The following FERMT2 variants were observed in gnomAD, a reference collection of about 807,000 sequenced individuals.
FERMT2 encodes the protein FERM domain containing kindlin 2, also known as fermitin family homolog 2.
A neutral mutation model predicts 82.7 loss-of-function variants in FERMT2; 15 were observed. The ratio of observed to expected loss-of-function variants is 0.18; its 90% confidence interval spans 0.12 to 0.28. The LOEUF (loss-of-function observed/expected upper bound fraction) is 0.28. Ranked by LOEUF, FERMT2 falls within the 10% of genes least tolerant of loss-of-function variation. The pLI is 1.00. For missense variants in FERMT2, 645 were observed against 809.4 expected, an observed-to-expected ratio of 0.80 and a Z score of 2.46; for synonymous variants, 274 against 271.5, an observed-to-expected ratio of 1.01 and a Z score of -0.09.
chr14:52,901,726 A>C (rs1887663724), intron 3 of FERMT2, among the ~76,000 whole-genome samples: 1 of 152,182 alleles, frequency 6.6e-6, no homozygotes, highest in Non-Finnish European at 1.5e-5. Context: ...TACAATCACA[A>C]AGAACCAAAT....
intron 1 of FERMT2, 77 bp from the exon 2 acceptor site, chr14:52,950,654 C>T: frequency 1.4e-6 from 2 of 1,465,406 alleles, no homozygotes; most frequent in South Asian, 1.2e-5. Flanking sequence ...TTCGCAGCGC[C>T]GGCCACGGGC....
At chr14:52,942,486 T>C (rs919510924) in intron 2 of FERMT2, among the ~76,000 whole-genome samples, 1 of 151,990 alleles carries the variant, frequency 6.6e-6, no homozygotes, top group African/African-American at 2.4e-5. Flanking sequence ...GTATTTTCAG[T>C]AGAGACGGGG....
At chr14:52,905,991 G>T (rs1887986076) in intron 3 of FERMT2, among the ~76,000 whole-genome samples, 1 of 152,092 alleles carries the variant, frequency 6.6e-6, no homozygotes, top group African/African-American at 2.4e-5. Flanking sequence ...TAAACAATAA[G>T]AAATAAAGGA....
chr14:52,894,339 G>A (rs1466572073), intron 3 of FERMT2, among the ~76,000 whole-genome samples: 1 of 152,126 alleles, frequency 6.6e-6, no homozygotes, highest in Non-Finnish European at 1.5e-5. Context: ...TTGTTAAGAA[G>A]TCAATTCTCC....
At chr14:52,909,057 G>A (rs950331988) in intron 3 of FERMT2, among the ~76,000 whole-genome samples, 3 of 152,120 alleles carry the variant, frequency 2.0e-5, no homozygotes, top group African/African-American at 7.2e-5. Context: ...TATGACCCAA[G>A]GTGGGCCAGG....
intron 3 of FERMT2, among the ~76,000 whole-genome samples, chr14:52,898,178 A>G (rs1350204370): frequency 6.6e-6 from 1 of 152,144 alleles, no homozygotes; most frequent in Non-Finnish European, 1.5e-5. Context: ...CTCTTTAATT[A>G]TTAATAAATT....
intron 2 of FERMT2, among the ~76,000 whole-genome samples, chr14:52,925,892 C>A (rs1889239073): frequency 6.6e-6 from 1 of 152,150 alleles, no homozygotes; most frequent in African/African-American, 2.4e-5. Flanking sequence ...GATCCAACCC[C>A]CTTGGCCTCC....
chr14:52,885,299 CGA>C (rs1431470816), intron 4 of FERMT2, among the ~76,000 whole-genome samples: 1 of 96,804 alleles, frequency 1.0e-5, no homozygotes, highest in Non-Finnish European at 1.8e-5. Flanking sequence ...GGTAACAGGG[CGA>C]GACTTAGTCT....
chr14:52,919,786 T>C (rs567225239), intron 2 of FERMT2, among the ~76,000 whole-genome samples: 1 of 152,204 alleles, frequency 6.6e-6, no homozygotes, highest in East Asian at 1.9e-4. Flanking sequence ...CAGAAATGTG[T>C]GAAGGTGAAT....
chr14:52,868,146 A>G (rs1207142719), intron 10 of FERMT2, among the ~76,000 whole-genome samples: 1 of 151,620 alleles, frequency 6.6e-6, no homozygotes, highest in Non-Finnish European at 1.5e-5. Flanking sequence ...AATCAGATTC[A>G]ATAGCTATTA....
chr14:52,905,103 C>T (rs1201204404), intron 3 of FERMT2, among the ~76,000 whole-genome samples: 2 of 150,626 alleles, frequency 1.3e-5, no homozygotes, highest in African/African-American at 4.9e-5. Context: ...GCAGGAGAAT[C>T]GCTTGAACCG....
At chr14:52,937,525 G>A (rs764174115) in intron 2 of FERMT2, among the ~76,000 whole-genome samples, 2 of 152,096 alleles carry the variant, frequency 1.3e-5, no homozygotes, top group South Asian at 4.1e-4. Flanking sequence ...CTGTCTTCCT[G>A]TATTCAAGGG....
chr14:52,905,258 G>A (rs1485451399), intron 3 of FERMT2, among the ~76,000 whole-genome samples: 1 of 151,332 alleles, frequency 6.6e-6, no homozygotes. Context: ...AAATCAAGAA[G>A]TAACAGTATA....
In FERMT2 at chr14:52,900,618, T is replaced by TA. The variant is rs200371209; in HGVS notation, c.392-7192dup. On this transcript the variant is annotated intron_variant, in intron 3 of 14. Transcript: ENST00000341590. ...GAAGTCAGATGGAACAGTAACTTTG[T>TA]AAACTGGAGAAATATAAAACCAAGG... Among the ~76,000 whole-genome samples, 1,198 of 152,270 alleles carry TA rather than the reference T, an allele frequency of 7.9e-3. 18 individuals carry two copies. Among genetic ancestry groups the TA allele is most frequent in the Non-Finnish European group, 8.6e-3 (583 of 68,016 alleles).
intron 2 of FERMT2, among the ~76,000 whole-genome samples, chr14:52,950,207 T>C (rs1034205510): frequency 6.6e-6 from 1 of 152,202 alleles, no homozygotes; most frequent in Non-Finnish European, 1.5e-5. Context: ...TCATTACATA[T>C]GAAAATTCAG....
intron 4 of FERMT2, among the ~76,000 whole-genome samples, chr14:52,886,897 T>C (rs1259225328): frequency 1.3e-5 from 2 of 152,178 alleles, no homozygotes; most frequent in Non-Finnish European, 2.9e-5. Context: ...TTACTTGAGT[T>C]TATGATAAAG....
Position 52,878,816 on chromosome 14 carries a change from G to A in FERMT2, c.856-127C>T, listed in dbSNP as rs546154374. ...TCCTGGGATCTTAATTTACAAGCAAGAATTTTTATTTACAATCAAGTATTA... is the reference window on the plus strand; with the variant it reads ...TCCTGGGATCTTAATTTACAAGCAAAAATTTTTATTTACAATCAAGTATTA... On this transcript the variant is annotated intron_variant, in intron 6 of 14. Transcript: ENST00000341590. 9.4e-6 allele frequency: 5 copies of A among 532,820 alleles called. No homozygotes were observed. In the African/African-American group the frequency reaches 9.8e-5, roughly 10 times the overall value. 33.0% of individuals were successfully genotyped at this position (532,820 alleles called of 1,614,324 possible).
chr14:52,930,688 G>A (rs1053194706), intron 2 of FERMT2, among the ~76,000 whole-genome samples: 1 of 152,082 alleles, frequency 6.6e-6, no homozygotes, highest in Admixed American at 6.6e-5. Flanking sequence ...TCTTAGGCCT[G>A]GGTTTCTTTT....
intron 14 of FERMT2, chr14:52,858,883 T>C: frequency 4.9e-6 from 1 of 203,174 alleles, no homozygotes; most frequent in East Asian, 1.1e-4. Context: ...GCCTACTTCC[T>C]GTGTTTTAAC....
Sources: allele counts gnomAD v4.1 joint callset (sites outside exome capture counted in the v4.1 genomes callset), GRCh38; gene constraint gnomAD v4.1.1; transcripts MANE v1.5; gene names NCBI Gene and HGNC (gene_info 2026-07-23, HGNC 2026-07-21).